ARHGAP30: variants seen among roughly 807,000 people sequenced by gnomAD.
The protein encoded by ARHGAP30 is Rho GTPase activating protein 30, also known as rho GTPase-activating protein 30.
A neutral mutation model predicts 72.0 loss-of-function variants in ARHGAP30; 23 were observed. The observed-to-expected ratio is 0.32, with a 90% CI of 0.23 to 0.45. ARHGAP30 has a LOEUF of 0.45. Among genes scored for constraint, ARHGAP30 ranks in the 20% least tolerant of loss-of-function variants. ARHGAP30 has a pLI of 1.00. For synonymous variants in ARHGAP30, 576 were observed against 528.2 expected (o/e 1.09, Z -1.24); for missense variants, 1,319 against 1,383.4 (o/e 0.95, Z 0.74).
chr1:161,051,799 C>T lies in ARHGAP30; in HGVS notation c.1019-84G>A, dbSNP rs79694067. 1,537 of 1,447,460 alleles carry T rather than the reference C, an allele frequency of 1.1e-3. 32 individuals are homozygous for T. In the East Asian group the frequency reaches 0.033, roughly 31 times the overall value. The allele number at this position is 1,447,460 out of a possible 1,614,324, so 89.7% of individuals were successfully genotyped here. A position where few individuals can be genotyped will look rare whatever the true frequency, so the allele number is the denominator to read the frequency against. On this transcript the variant is annotated intron_variant, in intron 9 of 11. Coordinates refer to ENST00000368013, the MANE Select transcript of ARHGAP30 (RefSeq NM_001025598.2). ...TCTCAAGAAGGCTCTGGAGAATGCTCTCTGCTTTCTCAGGCTTGAAAGCAA... is the reference window on the plus strand; with the variant it reads ...TCTCAAGAAGGCTCTGGAGAATGCTTTCTGCTTTCTCAGGCTTGAAAGCAA...
chr1:161,060,577 C>G (rs1294388969), intron 1 of ARHGAP30, among the ~76,000 whole-genome samples: 1 of 88,928 alleles, frequency 1.1e-5, no homozygotes, highest in Non-Finnish European at 2.0e-5. Context: ...ATCTGGGTAA[C>G]AAGAGTGAAA....
In ARHGAP30 at chr1:161,048,095, C is replaced by G. The variant is rs1337690214; in HGVS notation, c.2926G>C (p.Gly976Arg). 6.2e-7 allele frequency: 1 copy of G among 1,614,170 alleles called. No individual in the cohort carries two copies. Among genetic ancestry groups the G allele is most frequent in the East Asian group, 2.2e-5 (1 of 44,890 alleles). Reference protein sequence around the residue: ...PRPGRLDGTPGERAWGSRASR... With the variant: ...PRPGRLDGTPRERAWGSRASR... ...GCTCGGGACCCCCAAGCCCTTTCTC[C>G]AGGAGTCCCATCAAGCCGGCCAGGC... The change falls in exon 12 of 12, where the codon GGA (glycine) becomes CGA (arginine). Residue 976 changes from glycine to arginine, a missense_variant. By Grantham distance (125) the Gly-to-Arg change is moderately radical. Around this residue, in one of 2 missense-constraint regions of ARHGAP30, gnomAD observed 1,097 missense variants for 1,045.2 expected, o/e 1.05. Coordinates refer to ENST00000368013, the MANE Select transcript of ARHGAP30 (RefSeq NM_001025598.2).
chr1:161,050,778 C>T (rs1051262529), intron 10 of ARHGAP30, among the ~76,000 whole-genome samples: 1 of 151,852 alleles, frequency 6.6e-6, no homozygotes, highest in Non-Finnish European at 1.5e-5. Flanking sequence ...GGAGCTGGGA[C>T]CGCAGGCATC....
In ARHGAP30 at chr1:161,048,085, G is replaced by T; in HGVS notation, c.2936C>A (p.Ala979Asp). 2 of 1,614,160 alleles carry T rather than the reference G, an allele frequency of 1.2e-6. No homozygotes were observed. Among genetic ancestry groups the T allele is most frequent in the South Asian group, 2.2e-5 (2 of 91,088 alleles). ...GGATCGAGAAGCTCGGGACCCCCAA[G>T]CCCTTTCTCCAGGAGTCCCATCAAG... ...GRLDGTPGER[A>D]WGSRASRSSW... Residue 979 changes from alanine (A) to aspartate (D), a missense_variant, in exon 12 of 12, where the codon GCT becomes GAT. Ala to Asp is a moderately radical substitution (Grantham distance 126). This residue lies in a region of ARHGAP30 where 1,097 missense variants were observed against 1,045.2 expected (regional missense o/e 1.05). Coordinates refer to ENST00000368013, the MANE Select transcript of ARHGAP30 (RefSeq NM_001025598.2).
intron 1 of ARHGAP30, among the ~76,000 whole-genome samples, chr1:161,062,970 G>A (rs61801073): frequency 0.23 from 35,098 of 151,570 alleles, 4,616 homozygotes; most frequent in Middle Eastern, 0.3. Context: ...ATGTGCCACC[G>A]TGCCCAGCTA....
At chr1:161,058,893 TTAGA>T (rs1488924284) in intron 2 of ARHGAP30, among the ~76,000 whole-genome samples, 10 of 150,408 alleles carry the variant, frequency 6.6e-5, no homozygotes, top group African/African-American at 2.5e-4. Flanking sequence ...TGTCCTGGAA[TTAGA>T]TAGTGATGAT....
At chr1:161,052,949 A>G in intron 6 of ARHGAP30, 152 bp from the exon 7 acceptor site, 1 of 1,049,634 alleles carries the variant, frequency 9.5e-7, no homozygotes, top group Non-Finnish European at 1.3e-6. Context: ...ACCTCAAAAG[A>G]GTGCCCTCAT....
At chr1:161,063,519 A>C (rs1420572477) in intron 1 of ARHGAP30, among the ~76,000 whole-genome samples, 1 of 152,238 alleles carries the variant, frequency 6.6e-6, no homozygotes, top group Non-Finnish European at 1.5e-5. Context: ...AAGGATGTAT[A>C]TCGTCTCAGG....
At position 161,054,667 on chromosome 1, in the gene ARHGAP30, G is replaced by A. The variant is rs1204843978; in HGVS notation, c.384C>T (p.Val128=). The change falls in exon 4 of 12, where the codon GTC becomes GTT. Residue 128 remains valine, a synonymous_variant. Coordinates refer to ENST00000368013, the MANE Select transcript of ARHGAP30 (RefSeq NM_001025598.2). ...GTTCCCGAAGCACCTCTAGGATCTT[G>A]ACCAAGCGCTCAGGTTCCAATTGCA... ...VGVQLEPERL[V]KILEVLRELP... The A allele has an allele frequency of 1.9e-6, 3 of 1,614,008 alleles. No homozygotes were observed. Among genetic ancestry groups the A allele is most frequent in the Non-Finnish European group, 2.5e-6 (3 of 1,180,010 alleles).
chr1:161,063,187 T>G (rs773858365), intron 1 of ARHGAP30, among the ~76,000 whole-genome samples: 2 of 152,206 alleles, frequency 1.3e-5, no homozygotes, highest in South Asian at 4.1e-4. Context: ...TCCTGACATA[T>G]AATAACATCC....
rs1571083290 is a variant in ARHGAP30 at position 161,052,830 on chromosome 1, A to G, written c.665-33T>C. 1.9e-6 allele frequency: 3 copies of G among 1,603,498 alleles called. No homozygotes were observed. In the East Asian group the frequency reaches 6.7e-5, roughly 36 times the overall value. On this transcript the variant is annotated intron_variant, in intron 6 of 11. Transcript: ENST00000368013. ...AAGAAAAGGAATTGGCCAGCCAGGA[A>G]CAGAGCCAAGAGAGGGACCTCAGGC...
intron 3 of ARHGAP30, 81 bp from the exon 4 acceptor site, chr1:161,054,786 C>A: frequency 7.9e-7 from 1 of 1,269,492 alleles, no homozygotes; most frequent in Non-Finnish European, 1.1e-6. Flanking sequence ...TAACCAAGTT[C>A]TCAGGAACAA....
At position 161,047,646 on chromosome 1, in the gene ARHGAP30, CAGCT is replaced by C. The variant is rs1272913387; in HGVS notation, c.*65_*68del. The C allele has an allele frequency of 1.4e-6, 2 of 1,466,828 alleles. No homozygotes were observed. The allele number at this position is 1,466,828 out of a possible 1,614,324, so 90.9% of individuals were successfully genotyped here. On this transcript the variant is annotated 3_prime_UTR_variant, in exon 12 of 12. Coordinates refer to ENST00000368013, the MANE Select transcript of ARHGAP30 (RefSeq NM_001025598.2). ...ACAGCTGCTCATGCTGCAGAGGAGA[CAGCT>C]AGTCAGGAACCCTGGAGATTCAAGA...
At chr1:161,061,687 T>C (rs1652322296) in intron 1 of ARHGAP30, among the ~76,000 whole-genome samples, 2 of 152,214 alleles carry the variant, frequency 1.3e-5, no homozygotes, top group Admixed American at 6.5e-5. Flanking sequence ...TTCCCAACCC[T>C]AGGCCCCCTC....
intron 9 of ARHGAP30, 102 bp downstream of exon 9, chr1:161,052,184 A>G (rs1405794596): frequency 7.6e-7 from 1 of 1,318,964 alleles, no homozygotes; most frequent in Non-Finnish European, 1.1e-6. Context: ...CTCATTAAAT[A>G]TTTTTTGAAA....
At chr1:161,056,795 A>G (rs1377598604) in intron 2 of ARHGAP30, among the ~76,000 whole-genome samples, 1 of 152,228 alleles carries the variant, frequency 6.6e-6, no homozygotes, top group Non-Finnish European at 1.5e-5. Context: ...GTAGCTGTAG[A>G]TATGTGTAGC....
intron 2 of ARHGAP30, among the ~76,000 whole-genome samples, chr1:161,058,875 G>A (rs12040363): frequency 0.25 from 34,729 of 137,214 alleles, 6,848 homozygotes; most frequent in African/African-American, 0.54. Flanking sequence ...AAAAAAAAAA[G>A]AAAGAAATGT....
chr1:161,059,203 A>T (rs1267312554), intron 2 of ARHGAP30, among the ~76,000 whole-genome samples: 1 of 151,620 alleles, frequency 6.6e-6, no homozygotes, highest in African/African-American at 2.4e-5. Flanking sequence ...TAATTTTTGT[A>T]TTTTTAGTAG....
chr1:161,052,280 A>G lies in ARHGAP30; in HGVS notation c.1018+6T>C. ...CATACACACAGAAATGCACCCCTAT[A>G]CTCACCATCACTGGCCCCAGCTGCA... On this transcript the variant is annotated splice_donor_region_variant and intron_variant, in intron 9 of 11. Coordinates refer to ENST00000368013, the MANE Select transcript of ARHGAP30 (RefSeq NM_001025598.2). 1 of 1,613,610 alleles carries G rather than the reference A, an allele frequency of 6.2e-7. No individual in the cohort carries two copies. The highest frequency in any genetic ancestry group is 8.5e-7 in the Non-Finnish European group (1 of 1,179,974).
Sources: allele counts gnomAD v4.1 joint callset (sites outside exome capture counted in the v4.1 genomes callset), GRCh38; gene constraint gnomAD v4.1.1; regional missense constraint gnomAD v4.1.1; transcripts MANE v1.5; gene names NCBI Gene and HGNC (gene_info 2026-07-23, HGNC 2026-07-21).